PRDM2: variants seen among roughly 807,000 people sequenced by gnomAD.
PRDM2 encodes the protein PR domain zinc finger protein 2.
A neutral mutation model predicts 130.0 loss-of-function variants in PRDM2; 30 were observed. That is an observed-to-expected ratio of 0.23 (90% CI 0.17 to 0.31). The LOEUF (loss-of-function observed/expected upper bound fraction) is 0.31, where lower values mean the gene tolerates loss of function less well. PRDM2 is among the 10% of genes least tolerant of loss of function. The pLI is 1.00. For missense variants in PRDM2, 2,011 were observed against 2,108.4 expected (o/e 0.95, Z 0.90); for synonymous variants, 871 against 782.4 (o/e 1.11, Z -1.89).
intron 8 of PRDM2, among the ~76,000 whole-genome samples, chr1:13,797,602 C>T (rs1203056769): frequency 1.3e-5 from 2 of 152,070 alleles, no homozygotes; most frequent in Non-Finnish European, 2.9e-5. Context: ...GAGCATTTTG[C>T]GGTTTGGTTT....
chr1:13,747,306 C>T (rs1025032095), intron 5 of PRDM2, among the ~76,000 whole-genome samples: 1 of 152,170 alleles, frequency 6.6e-6, no homozygotes, highest in Non-Finnish European at 1.5e-5. Context: ...GTTGATACCA[C>T]TTCAATATGT....
intron 1 of PRDM2, among the ~76,000 whole-genome samples, chr1:13,705,946 CACTCCAGCCTGGGAGACAGAGCGAG>C (rs1286333619): frequency 7.1e-6 from 1 of 141,600 alleles, no homozygotes; most frequent in Non-Finnish European, 1.5e-5. Context: ...CGCGCCACTG[CACTCCAGCCTGGGAGACAGAGCGAG>C]ACTCCGTCTC....
At chr1:13,763,903 G>A (rs1644163232) in intron 6 of PRDM2, among the ~76,000 whole-genome samples, 1 of 152,244 alleles carries the variant, frequency 6.6e-6, no homozygotes, top group East Asian at 1.9e-4. Flanking sequence ...ATCGTAGCCT[G>A]ATTTGATTAA....
At chr1:13,745,658 G>A (rs925826316) in intron 5 of PRDM2, among the ~76,000 whole-genome samples, 5 of 152,120 alleles carry the variant, frequency 3.3e-5, no homozygotes, top group African/African-American at 7.2e-5. Flanking sequence ...TCCTGACCTC[G>A]TGATCTGCCC....
chr1:13,771,416 C>G lies in PRDM2; in HGVS notation c.512-1662C>G, dbSNP rs778335718. Among the ~76,000 whole-genome samples, 1 of 152,178 alleles carries G rather than the reference C, an allele frequency of 6.6e-6. No individual in the cohort carries two copies. Among genetic ancestry groups the G allele is most frequent in the Admixed American group, 6.6e-5 (1 of 15,266 alleles). On this transcript the variant is annotated intron_variant, in intron 6 of 9. Coordinates refer to ENST00000311066, the MANE Select transcript of PRDM2 (RefSeq NM_001393986.1). The surrounding 1 kb of genome is among the most constrained non-coding windows in gnomAD (Gnocchi z 4.1). Reference sequence around the variant, plus strand: ...CTGATAAACGTAGTGGCAAAAACATCGGATTTCCTATGGGCTGAAGAATTA... The same window carrying G: ...CTGATAAACGTAGTGGCAAAAACATGGGATTTCCTATGGGCTGAAGAATTA...
rs141616009 is a variant in PRDM2 at position 13,802,069 on chromosome 1, T to C, written c.5037-14358T>C. 4.4e-3 allele frequency among the ~76,000 whole-genome samples: 665 copies of C among 152,292 alleles called. 6 individuals are homozygous for C. Among genetic ancestry groups the C allele is most frequent in the South Asian group, 0.037 (177 of 4,816 alleles). The stretch of plus-strand genomic sequence containing the variant: ...CCACCTTACAGCCTGTTTGAGGACT[T>C]TGGGGATCACGAGCAGAAAGGTAGA... On this transcript the variant is annotated intron_variant, in intron 8 of 9. Transcript: ENST00000311066.
In PRDM2 at chr1:13,780,395, A is replaced by G. The variant is rs752892578; in HGVS notation, c.2600A>G (p.Glu867Gly). ...GACTCTGAAGGCAAGGAATTCAAAG[A>G]AAGTCATTCAGTGCAGCCTACGTGT... ...CSDSEGKEFK[E>G]SHSVQPTCSA... The change falls in exon 8 of 10, where the codon GAA becomes GGA. Residue 867 changes from glutamate (E) to glycine (G), a missense_variant. Glu to Gly is a moderately conservative substitution (Grantham distance 98). This residue lies in a region of PRDM2 where 1,288 missense variants were observed against 1,237.7 expected (regional missense o/e 1.04). Transcript: ENST00000311066. 3 of 1,614,238 alleles carry G rather than the reference A, an allele frequency of 1.9e-6. No individual in the cohort carries two copies. Among genetic ancestry groups the G allele is most frequent in the Non-Finnish European group, 2.5e-6 (3 of 1,180,042 alleles).
intron 5 of PRDM2, among the ~76,000 whole-genome samples, chr1:13,743,808 T>G (rs1643522993): frequency 6.6e-6 from 1 of 152,234 alleles, no homozygotes; most frequent in African/African-American, 2.4e-5. Flanking sequence ...TTGTATCCAG[T>G]CCCTGCAGAT....
chr1:13,806,104 G>T lies in PRDM2; in HGVS notation c.5037-10323G>T, dbSNP rs1428500232. On this transcript the variant is annotated intron_variant, in intron 8 of 9. Transcript: ENST00000311066. The surrounding 1 kb of genome is among the most constrained non-coding windows in gnomAD (Gnocchi z 4.1). Reference sequence around the variant, plus strand: ...CCCCAGGATGCTCAATGCAGTGGTTGGTTTCCAGTCCCATCTCCCTTGGCC... The same window carrying T: ...CCCCAGGATGCTCAATGCAGTGGTTTGTTTCCAGTCCCATCTCCCTTGGCC... Among the ~76,000 whole-genome samples the T allele has an allele frequency of 6.6e-6, 1 of 152,132 alleles. No individual in the cohort carries two copies. Among genetic ancestry groups the T allele is most frequent in the African/African-American group, 2.4e-5 (1 of 41,426 alleles).
intron 8 of PRDM2, chr1:13,787,042 CT>C (rs1260526614): frequency 1.4e-5 from 14 of 985,404 alleles, no homozygotes; most frequent in South Asian, 4.7e-5. Flanking sequence ...TCTCTTACCC[CT>C]GGTATTTCTT....
chr1:13,778,559 G>A lies in PRDM2; in HGVS notation c.764G>A (p.Arg255Gln), dbSNP rs772163123. ...GAGCCACAGCCAGAACCAGACGAGC[G>A]ATTAGAAGCGGCAGCTTGTGAGGTG... ...AWEPQPEPDE[R>Q]LEAAACEVND... The change falls in exon 8 of 10, where the codon CGA becomes CAA. Residue 255 changes from arginine (R) to glutamine (Q), a missense_variant. Physicochemically the swap from Arg to Gln is conservative, Grantham distance 43. Transcript: ENST00000311066. The A allele has an allele frequency of 1.1e-5, 17 of 1,614,054 alleles. No individual in the cohort carries two copies. Among genetic ancestry groups the A allele is most frequent in the African/African-American group, 2.7e-5 (2 of 74,904 alleles).
intron 2 of PRDM2, among the ~76,000 whole-genome samples, chr1:13,724,192 G>A (rs1329426319): frequency 6.6e-6 from 1 of 152,126 alleles, no homozygotes; most frequent in East Asian, 1.9e-4. Flanking sequence ...TTAAAGTATT[G>A]GGAACTTTTC....
chr1:13,790,220 A>G (rs560973269), intron 8 of PRDM2, among the ~76,000 whole-genome samples: 16 of 152,314 alleles, frequency 1.1e-4, no homozygotes, highest in Admixed American at 2.6e-4. Context: ...TAATATGGGA[A>G]GAATAACAGA....
chr1:13,763,368 G>T (rs942656189), intron 6 of PRDM2, among the ~76,000 whole-genome samples: 1 of 152,208 alleles, frequency 6.6e-6, no homozygotes, highest in African/African-American at 2.4e-5. Flanking sequence ...CTACCAAAAG[G>T]TTAACAGGGT....
intron 4 of PRDM2, among the ~76,000 whole-genome samples, chr1:13,739,841 G>A (rs1643385182): frequency 6.6e-6 from 1 of 151,954 alleles, no homozygotes; most frequent in South Asian, 2.1e-4. Flanking sequence ...AGGTGTTTGG[G>A]GGAATATCTG....
chr1:13,718,557 A>G (rs2100425883), intron 2 of PRDM2, among the ~76,000 whole-genome samples: 1 of 152,194 alleles, frequency 6.6e-6, no homozygotes, highest in East Asian at 1.9e-4. Context: ...AGCTCTCACA[A>G]AGCTCCCCGA....
Position 13,824,581 on chromosome 1 carries a change from G to A in PRDM2, c.*1446G>A, listed in dbSNP as rs962595521. 1 of 152,274 alleles carries A rather than the reference G, an allele frequency of 6.6e-6. No homozygotes were observed. The highest frequency in any genetic ancestry group is 1.9e-4 in the East Asian group (1 of 5,188). 9.4% of individuals were successfully genotyped at this position (152,274 alleles called of 1,614,324 possible). On this transcript the variant is annotated 3_prime_UTR_variant, in exon 10 of 10. Coordinates refer to ENST00000311066, the MANE Select transcript of PRDM2 (RefSeq NM_001393986.1). Reference sequence around the variant, plus strand: ...ATGGTGGTCATTGGCCGACATCACAGTTTTCCTGTTTCCCACCCAGCTAAA... The same window carrying A: ...ATGGTGGTCATTGGCCGACATCACAATTTTCCTGTTTCCCACCCAGCTAAA...
intron 6 of PRDM2, among the ~76,000 whole-genome samples, chr1:13,755,390 A>G (rs953345765): frequency 2.0e-5 from 3 of 152,200 alleles, no homozygotes; most frequent in Non-Finnish European, 2.9e-5. Context: ...GCTGTGCCCT[A>G]TTTTTAGGTG....
At chr1:13,718,016 CCAGT>C (rs767556138) in intron 2 of PRDM2, among the ~76,000 whole-genome samples, 5 of 152,158 alleles carry the variant, frequency 3.3e-5, no homozygotes, top group Non-Finnish European at 7.3e-5. Flanking sequence ...AACAATCACC[CCAGT>C]CATTCTTCAG....
Sources: allele counts gnomAD v4.1 joint callset (sites outside exome capture counted in the v4.1 genomes callset), GRCh38; gene constraint gnomAD v4.1.1; regional missense constraint gnomAD v4.1.1; non-coding constraint Gnocchi (gnomAD v3.1); transcripts MANE v1.5; gene names NCBI Gene and HGNC (gene_info 2026-07-23, HGNC 2026-07-21).